The following HPSE2 variants were observed in gnomAD, a reference collection of about 807,000 sequenced individuals.
HPSE2 encodes the protein inactive heparanase-2.
In HPSE2, 38 loss-of-function variants were observed where a neutral mutation model predicts 60.5. The observed-to-expected ratio is 0.63, with a 90% CI of 0.48 to 0.82. The LOEUF (loss-of-function observed/expected upper bound fraction) is 0.82, where lower values mean the gene tolerates loss of function less well. HPSE2 is among the 40% of genes least tolerant of loss of function. HPSE2 has a pLI of 0.00. For synonymous variants in HPSE2, 295 were observed against 293.2 expected, an observed-to-expected ratio of 1.01 and a Z score of -0.06; for missense variants, 713 against 740.4, an observed-to-expected ratio of 0.96 and a Z score of 0.43.
chr10:98,891,493 G>A (rs903307829), intron 3 of HPSE2, among the ~76,000 whole-genome samples: 2 of 152,034 alleles, frequency 1.3e-5, no homozygotes, highest in Non-Finnish European at 2.9e-5. Flanking sequence ...GTGTGACCCA[G>A]GCTGGAATAC....
chr10:99,086,686 T>A (rs1390727521), intron 3 of HPSE2, among the ~76,000 whole-genome samples: 1 of 152,190 alleles, frequency 6.6e-6, no homozygotes, highest in Non-Finnish European at 1.5e-5. Context: ...TTTAAATAAT[T>A]ACCTTTCTAT....
At chr10:98,490,648 C>A (rs1317381310) in intron 9 of HPSE2, among the ~76,000 whole-genome samples, 1 of 152,140 alleles carries the variant, frequency 6.6e-6, no homozygotes, top group Non-Finnish European at 1.5e-5. Flanking sequence ...CTGTCATTCT[C>A]CAAATATTAT....
intron 9 of HPSE2, among the ~76,000 whole-genome samples, chr10:98,540,501 G>C (rs1943426299): frequency 1.3e-5 from 2 of 152,162 alleles, no homozygotes; most frequent in Non-Finnish European, 2.9e-5. Flanking sequence ...CCATTTACAA[G>C]TATGTCTTAA....
chr10:99,147,026 T>C (rs576663796), intron 2 of HPSE2, among the ~76,000 whole-genome samples: 56 of 152,228 alleles, frequency 3.7e-4, no homozygotes, highest in Non-Finnish European at 6.2e-4. Flanking sequence ...ATACTATTTA[T>C]GTAAGTCATT....
At chr10:98,968,371 G>A (rs1481544670) in intron 3 of HPSE2, among the ~76,000 whole-genome samples, 1 of 152,040 alleles carries the variant, frequency 6.6e-6, no homozygotes, top group East Asian at 1.9e-4. Context: ...GTGTGGGTGT[G>A]GTGAAAAGGG....
the HPSE2 span, among the ~76,000 whole-genome samples, chr10:99,314,958 C>A: frequency 6.6e-6 from 1 of 152,166 alleles, no homozygotes; most frequent in African/African-American, 2.4e-5. Flanking sequence ...ACCACCTAAA[C>A]TGAAAAAGAT....
At chr10:99,148,463 G>A (rs1204054489) in intron 2 of HPSE2, among the ~76,000 whole-genome samples, 1 of 152,102 alleles carries the variant, frequency 6.6e-6, no homozygotes, top group Non-Finnish European at 1.5e-5. Flanking sequence ...CCAAAGAAAA[G>A]TACAAATATG....
intron 9 of HPSE2, among the ~76,000 whole-genome samples, chr10:98,595,682 A>G (rs1450964613): frequency 6.6e-6 from 1 of 152,148 alleles, no homozygotes; most frequent in Non-Finnish European, 1.5e-5. Context: ...TCCAATGTGG[A>G]TGCTTTTGCT....
At chr10:98,756,552 T>TG (rs1421166050) in intron 3 of HPSE2, among the ~76,000 whole-genome samples, 1 of 152,032 alleles carries the variant, frequency 6.6e-6, no homozygotes, top group African/African-American at 2.4e-5. Context: ...AACACCTCTA[T>TG]GCACACAAAC....
At chr10:99,096,423 T>G (rs960774649) in intron 3 of HPSE2, among the ~76,000 whole-genome samples, 3 of 152,236 alleles carry the variant, frequency 2.0e-5, no homozygotes, top group African/African-American at 7.2e-5. Flanking sequence ...GTAGACATTT[T>G]GTTGCCTATT....
At chr10:99,048,355 G>T in intron 3 of HPSE2, 2 of 278,000 alleles carry the variant, frequency 7.2e-6, no homozygotes, top group South Asian at 4.1e-5. Flanking sequence ...AATAGTACCT[G>T]CTCTCAAACT....
intron 3 of HPSE2, among the ~76,000 whole-genome samples, chr10:98,857,979 G>C (rs967305631): frequency 2.0e-5 from 3 of 152,186 alleles, no homozygotes; most frequent in African/African-American, 7.2e-5. Context: ...ACTGGTCTTA[G>C]AGGCAAATAA....
the HPSE2 span, among the ~76,000 whole-genome samples, chr10:99,248,017 A>G: frequency 6.6e-6 from 1 of 152,252 alleles, no homozygotes; most frequent in Non-Finnish European, 1.5e-5. Context: ...TCTTTTATTT[A>G]TAAATTACCC....
chr10:98,603,306 A>AT (rs1945480775), intron 9 of HPSE2, among the ~76,000 whole-genome samples: 2 of 152,070 alleles, frequency 1.3e-5, no homozygotes, highest in Admixed American at 6.6e-5. Flanking sequence ...AAACCCCCAT[A>AT]TTTTTGTGAG....
chr10:98,681,341 AT>A (rs1481346158), intron 6 of HPSE2, among the ~76,000 whole-genome samples: 1 of 152,154 alleles, frequency 6.6e-6, no homozygotes, highest in Non-Finnish European at 1.5e-5. Context: ...AGTGAATGTG[AT>A]TTAAAAAAAT....
At chr10:99,225,118 T>C (rs979940504) in intron 2 of HPSE2, among the ~76,000 whole-genome samples, 4 of 152,060 alleles carry the variant, frequency 2.6e-5, no homozygotes, top group African/African-American at 9.7e-5. Flanking sequence ...CAGAATAAAA[T>C]AAACATAAAT....
intron 9 of HPSE2, among the ~76,000 whole-genome samples, chr10:98,563,100 A>G (rs1944239966): frequency 6.6e-6 from 1 of 152,238 alleles, no homozygotes. Context: ...GATGAATGAA[A>G]ACATGTATAC....
chr10:99,190,442 T>G (rs1302118197), intron 2 of HPSE2, among the ~76,000 whole-genome samples: 1 of 152,206 alleles, frequency 6.6e-6, no homozygotes, highest in Non-Finnish European at 1.5e-5. Flanking sequence ...ATTTCTGTTT[T>G]ACAGATTAAA....
At chr10:99,234,246 G>C (rs1455272962) in intron 1 of HPSE2, among the ~76,000 whole-genome samples, 2 of 152,132 alleles carry the variant, frequency 1.3e-5, no homozygotes, top group African/African-American at 2.4e-5. Context: ...TCAGTCCTCC[G>C]GCTACCTTTC....
Sources: allele counts gnomAD v4.1 joint callset (sites outside exome capture counted in the v4.1 genomes callset), GRCh38; gene constraint gnomAD v4.1.1; transcripts MANE v1.5; gene names NCBI Gene and HGNC (gene_info 2026-07-23, HGNC 2026-07-21).